SLC35F4: variants seen among roughly 807,000 people sequenced by gnomAD.
The protein encoded by SLC35F4 is solute carrier family 35 member F4, also known as chromosome 14 open reading frame 36.
A neutral mutation model predicts 44.2 loss-of-function variants in SLC35F4; 24 were observed. That is an observed-to-expected ratio of 0.54 (90% CI 0.39 to 0.76). The LOEUF (loss-of-function observed/expected upper bound fraction) is 0.76. Ranked by LOEUF, SLC35F4 falls within the 30% of genes least tolerant of loss-of-function variation. SLC35F4 has a pLI of 0.00. For missense variants in SLC35F4, 562 were observed against 586.1 expected (o/e 0.96, Z 0.42); for synonymous variants, 238 against 223.6 (o/e 1.06, Z -0.57).
chr14:57,805,310 T>C lies in SLC35F4; in HGVS notation c.103+60413A>G, dbSNP rs144843148. Among the ~76,000 whole-genome samples the C allele has an allele frequency of 7.6e-4, 116 of 152,244 alleles. No homozygotes were observed. The Middle Eastern group carries it at 0.01, about 13-fold the overall frequency. On this transcript the variant is annotated intron_variant, in intron 1 of 7. Transcript: ENST00000556826. ...AATAGAAATCATTATATTATAAAGA[T>C]ACATGCATGCATATGTTCATTGCAG...
At chr14:57,753,736 A>G (rs1016982999) in intron 1 of SLC35F4, among the ~76,000 whole-genome samples, 2 of 152,156 alleles carry the variant, frequency 1.3e-5, no homozygotes, top group African/African-American at 4.8e-5. Flanking sequence ...CAGGCTACCC[A>G]ACCTCTTCCT....
At position 57,945,674 on chromosome 14, in the gene SLC35F4, T is replaced by G. The variant is rs60069865; in HGVS notation, n.282+36239A>C. 0.02 allele frequency among the ~76,000 whole-genome samples: 3,056 copies of G among 152,176 alleles called. 331 individuals are homozygous for G. The East Asian group carries it at 0.35, about 17-fold the overall frequency. Reference sequence around the variant, plus strand: ...TGCTGGATCAAATGGTAGTTCTACTTTTAGTTCTTTAAGGAATCTTCACAC... The same window carrying G: ...TGCTGGATCAAATGGTAGTTCTACTGTTAGTTCTTTAAGGAATCTTCACAC... On this transcript the variant is annotated intron_variant and non_coding_transcript_variant, in intron 1 of 1. Coordinates refer to the SLC35F4 transcript ENST00000556568.
chr14:57,868,643 T>A (rs1444308171), upstream of SLC35F4, among the ~76,000 whole-genome samples: 3 of 151,898 alleles, frequency 2.0e-5, no homozygotes, highest in Non-Finnish European at 2.9e-5. Flanking sequence ...GCCCAGCTAA[T>A]TTTTTTGTAT....
chr14:57,789,525 G>C (rs2208418), intron 1 of SLC35F4, among the ~76,000 whole-genome samples: 1 of 152,106 alleles, frequency 6.6e-6, no homozygotes, highest in African/African-American at 2.4e-5. Flanking sequence ...ACCAAAAAAA[G>C]CCCCGGACCA....
chr14:57,785,646 C>A (rs1023741397), intron 1 of SLC35F4, among the ~76,000 whole-genome samples: 2 of 152,154 alleles, frequency 1.3e-5, no homozygotes, highest in African/African-American at 4.8e-5. Flanking sequence ...CAAATGCACA[C>A]CCCTACTGGA....
chr14:57,620,611 G>C (rs1423764575), intron 1 of SLC35F4, among the ~76,000 whole-genome samples: 1 of 152,160 alleles, frequency 6.6e-6, no homozygotes, highest in South Asian at 2.1e-4. Flanking sequence ...AGTTTTCAAA[G>C]GGAATGCTTC....
At chr14:57,824,857 G>T (rs1408406169) in intron 1 of SLC35F4, among the ~76,000 whole-genome samples, 1 of 152,142 alleles carries the variant, frequency 6.6e-6, no homozygotes, top group African/African-American at 2.4e-5. Flanking sequence ...ATTTTACATT[G>T]AGTGGAAGAG....
chr14:57,728,441 C>CTTTTTTTTTTTTTTTTTT (rs869064667), intron 1 of SLC35F4, among the ~76,000 whole-genome samples: 6 of 59,028 alleles, frequency 1.0e-4, no homozygotes, highest in African/African-American at 4.4e-4. Flanking sequence ...TTCTTTCTTT[C>CTTTTTTTTTTTTTTTTTT]TTTTTTTTTT....
intron 1 of SLC35F4, among the ~76,000 whole-genome samples, chr14:57,839,911 C>T (rs1885330464): frequency 6.6e-6 from 1 of 152,136 alleles, no homozygotes; most frequent in Non-Finnish European, 1.5e-5. Flanking sequence ...ATGTCCAAAA[C>T]ACGCCCCAGA....
intron 4 of SLC35F4, among the ~76,000 whole-genome samples, chr14:57,579,773 G>T (rs953270213): frequency 6.6e-6 from 1 of 152,192 alleles, no homozygotes; most frequent in Non-Finnish European, 1.5e-5. Flanking sequence ...CTTCCTAGGG[G>T]ATGACTTATG....
chr14:57,946,014 C>A (rs1482021478), intron 1 of SLC35F4, among the ~76,000 whole-genome samples: 1 of 152,100 alleles, frequency 6.6e-6, no homozygotes, highest in Non-Finnish European at 1.5e-5. Context: ...CTTGTAGACT[C>A]TGGATATTAG....
At chr14:57,771,513 T>C (rs2077362474) in intron 1 of SLC35F4, among the ~76,000 whole-genome samples, 2 of 152,236 alleles carry the variant, frequency 1.3e-5, no homozygotes, top group South Asian at 4.1e-4. Flanking sequence ...TCTATACACA[T>C]AGAATCTGCT....
At chr14:57,784,483 A>G (rs2077708179) in intron 1 of SLC35F4, among the ~76,000 whole-genome samples, 1 of 152,188 alleles carries the variant, frequency 6.6e-6, no homozygotes, top group Non-Finnish European at 1.5e-5. Context: ...TAATAGGTCA[A>G]GACCAGCCTG....
At chr14:57,793,763 A>C (rs2140818577) in intron 1 of SLC35F4, among the ~76,000 whole-genome samples, 1 of 152,202 alleles carries the variant, frequency 6.6e-6, no homozygotes, top group African/African-American at 2.4e-5. Context: ...TGCTGGATTG[A>C]ATGATAGATT....
intron 1 of SLC35F4, among the ~76,000 whole-genome samples, chr14:57,670,495 T>G (rs1316228731): frequency 6.6e-6 from 1 of 152,114 alleles, no homozygotes. Flanking sequence ...CTCTACACAC[T>G]GCTTTGAATG....
intron 1 of SLC35F4, among the ~76,000 whole-genome samples, chr14:57,819,641 TAAA>T (rs72330695): frequency 7.2e-6 from 1 of 139,286 alleles, no homozygotes. Context: ...CCATCTCTAC[TAAA>T]AAAAAAAAAA....
At chr14:57,670,074 G>A (rs1295760297) in intron 1 of SLC35F4, among the ~76,000 whole-genome samples, 11 of 152,136 alleles carry the variant, frequency 7.2e-5, no homozygotes, top group Middle Eastern at 3.4e-3. Context: ...TGTATGTGTC[G>A]AGGAATTTAT....
intron 1 of SLC35F4, among the ~76,000 whole-genome samples, chr14:57,902,822 T>C (rs1889030567): frequency 6.6e-6 from 1 of 152,166 alleles, no homozygotes; most frequent in Admixed American, 6.5e-5. Context: ...TTTTGTGCCA[T>C]CTGCATGGAA....
intron 1 of SLC35F4, among the ~76,000 whole-genome samples, chr14:57,924,763 T>TCTTC (rs1253445773): frequency 6.6e-6 from 1 of 151,830 alleles, no homozygotes; most frequent in African/African-American, 2.4e-5. Context: ...TTTCTTTCTT[T>TCTTC]CTTCCTTCCT....
Sources: allele counts gnomAD v4.1 joint callset (sites outside exome capture counted in the v4.1 genomes callset), GRCh38; gene constraint gnomAD v4.1.1; transcripts MANE v1.5; gene names NCBI Gene and HGNC (gene_info 2026-07-23, HGNC 2026-07-21).